The following PYGO1 variants were observed in gnomAD, a reference collection of about 807,000 sequenced individuals.
The protein encoded by PYGO1 is pygopus homolog 1.
PYGO1 carries 6 observed loss-of-function variants against 29.5 expected under a neutral mutation model. The observed-to-expected ratio is 0.20, with a 90% CI of 0.11 to 0.40. The LOEUF (loss-of-function observed/expected upper bound fraction) is 0.40, where lower values mean the gene tolerates loss of function less well. Ranked by LOEUF, PYGO1 falls within the 10% of genes least tolerant of loss-of-function variation. The pLI, the probability that PYGO1 is intolerant of heterozygous loss-of-function variation, is 1.00. For missense variants in PYGO1, 515 were observed against 514.9 expected (o/e 1.00, Z 0.00); for synonymous variants, 186 against 180.5 (o/e 1.03, Z -0.24).
At chr15:55,553,581 T>C (rs1447721234) in intron 1 of PYGO1, among the ~76,000 whole-genome samples, 1 of 152,184 alleles carries the variant, frequency 6.6e-6, no homozygotes, top group South Asian at 2.1e-4. Context: ...CTAACTTTTT[T>C]TGTATTTTTA....
chr15:55,553,985 C>T (rs1246453622), intron 1 of PYGO1, among the ~76,000 whole-genome samples: 1 of 152,070 alleles, frequency 6.6e-6, no homozygotes, highest in Non-Finnish European at 1.5e-5. Context: ...GAAGCAATGT[C>T]AACAACAATA....
At chr15:55,567,760 A>G (rs2058963255) in intron 1 of PYGO1, among the ~76,000 whole-genome samples, 1 of 152,120 alleles carries the variant, frequency 6.6e-6, no homozygotes, top group South Asian at 2.1e-4. Flanking sequence ...TCTATAATCC[A>G]TCTTAATTTT....
At chr15:55,556,084 T>A (rs1001074660) in intron 1 of PYGO1, among the ~76,000 whole-genome samples, 1 of 151,708 alleles carries the variant, frequency 6.6e-6, no homozygotes, top group African/African-American at 2.4e-5. Context: ...ACTGACAATA[T>A]CAGACAGATT....
intron 1 of PYGO1, among the ~76,000 whole-genome samples, chr15:55,575,098 C>T (rs2058995742): frequency 6.6e-6 from 1 of 152,062 alleles, no homozygotes; most frequent in Admixed American, 6.6e-5. Flanking sequence ...ACTAACTTGC[C>T]CAAGGTCACA....
At chr15:55,573,853 G>T (rs1398908277) in intron 1 of PYGO1, among the ~76,000 whole-genome samples, 1 of 152,156 alleles carries the variant, frequency 6.6e-6, no homozygotes, top group South Asian at 2.1e-4. Flanking sequence ...GTAGGCTAGA[G>T]AAAAGATATA....
intron 1 of PYGO1, among the ~76,000 whole-genome samples, chr15:55,582,768 C>T (rs370623361): frequency 6.6e-6 from 1 of 152,116 alleles, no homozygotes; most frequent in Non-Finnish European, 1.5e-5. Flanking sequence ...TGATAATCTG[C>T]CTAGCTCTTA....
At chr15:55,548,221 T>C (rs1255261181) in intron 2 of PYGO1, among the ~76,000 whole-genome samples, 1 of 150,414 alleles carries the variant, frequency 6.6e-6, no homozygotes, top group Non-Finnish European at 1.5e-5. Flanking sequence ...GCTTTCCCCA[T>C]GTTGGCCAGT....
At chr15:55,561,120 T>A (rs558942366) in intron 1 of PYGO1, among the ~76,000 whole-genome samples, 2 of 152,230 alleles carry the variant, frequency 1.3e-5, no homozygotes, top group Admixed American at 1.3e-4. Context: ...AACAGCATGG[T>A]ACTTATACAA....
chr15:55,566,636 T>C lies in PYGO1; in HGVS notation c.50-17641A>G, dbSNP rs551528066. ...TGAACAGTAGTTCTGTTTTAATTTATTTGAGAAATCTCCAAACTGCTTTCC... is the reference window on the plus strand; with the variant it reads ...TGAACAGTAGTTCTGTTTTAATTTACTTGAGAAATCTCCAAACTGCTTTCC... On this transcript the variant is annotated intron_variant, in intron 1 of 2. Coordinates refer to ENST00000563719, the MANE Select transcript of PYGO1 (RefSeq NM_001367806.1). Among the ~76,000 whole-genome samples, 49 of 152,334 alleles carry C rather than the reference T, an allele frequency of 3.2e-4. No homozygotes were observed. In the South Asian group the frequency reaches 9.5e-3, roughly 30 times the overall value.
chr15:55,558,026 G>C lies in PYGO1; in HGVS notation c.50-9031C>G, dbSNP rs1157199575. On this transcript the variant is annotated intron_variant, in intron 1 of 2. Coordinates refer to ENST00000563719, the MANE Select transcript of PYGO1 (RefSeq NM_001367806.1). ...AATCAGGCAGTAGAAAGAAATAAAG[G>C]GTATTCAATTAGGAAAAGAGGAAGT... Among the ~76,000 whole-genome samples, 3 of 152,084 alleles carry C rather than the reference G, an allele frequency of 2.0e-5. No homozygotes were observed. The East Asian group carries it at 5.8e-4, about 29-fold the overall frequency.
chr15:55,564,996 T>A (rs554685732), intron 1 of PYGO1, among the ~76,000 whole-genome samples: 1 of 152,330 alleles, frequency 6.6e-6, no homozygotes, highest in East Asian at 1.9e-4. Context: ...ATTCCTTGAT[T>A]CATGACTCTT....
intron 1 of PYGO1, among the ~76,000 whole-genome samples, chr15:55,559,963 G>C (rs2058925797): frequency 6.6e-6 from 1 of 152,032 alleles, no homozygotes; most frequent in Non-Finnish European, 1.5e-5. Flanking sequence ...TGCAGAACAG[G>C]CCTTCAATAA....
chr15:55,564,089 C>T (rs1354817205), intron 1 of PYGO1, among the ~76,000 whole-genome samples: 1 of 152,134 alleles, frequency 6.6e-6, no homozygotes, highest in Non-Finnish European at 1.5e-5. Flanking sequence ...GACAAGACAA[C>T]TGAAAATTTC....
Position 55,548,957 on chromosome 15 carries a change from C to T in PYGO1, c.88G>A (p.Val30Ile). Residue 30 changes from valine (V) to isoleucine (I), a missense_variant, in exon 2 of 3, where the codon GTA becomes ATA. By Grantham distance (29) the Val-to-Ile change is conservative. Transcript: ENST00000563719. ...SGLDGLGGPGVQLGSPDKKKR... is the reference protein window; with the variant it reads ...SGLDGLGGPGIQLGSPDKKKR... Reference sequence around the variant, plus strand: ...TTCTTATCTGGGCTTCCTAGTTGTACACCTGGTCCTCCTAACCCATCCAGT... The same window carrying T: ...TTCTTATCTGGGCTTCCTAGTTGTATACCTGGTCCTCCTAACCCATCCAGT... The T allele has an allele frequency of 6.2e-7, 1 of 1,612,318 alleles. No homozygotes were observed. The highest frequency in any genetic ancestry group is 8.5e-7 in the Non-Finnish European group (1 of 1,179,272).
intron 1 of PYGO1, among the ~76,000 whole-genome samples, chr15:55,567,296 C>G (rs1595989073): frequency 7.2e-6 from 1 of 138,666 alleles, no homozygotes. Flanking sequence ...CAGCCTCAAA[C>G]TCCTGGGCTC....
intron 1 of PYGO1, among the ~76,000 whole-genome samples, chr15:55,570,926 G>C (rs1176876341): frequency 6.6e-6 from 1 of 152,002 alleles, no homozygotes; most frequent in Non-Finnish European, 1.5e-5. Flanking sequence ...ATACAGTTCA[G>C]TGGTATTAAG....
At position 55,546,308 on chromosome 15, in the gene PYGO1, G is replaced by A. The variant is rs11858599; in HGVS notation, c.975C>T (p.Ser325=). 102,723 of 1,614,058 alleles carry A rather than the reference G, an allele frequency of 0.064. 3,557 individuals are homozygous for A. The highest frequency in any genetic ancestry group is 0.073 in the Middle Eastern group (441 of 6,062). Residue 325 remains serine (S), a synonymous_variant, in exon 3 of 3, where the codon TCC becomes TCT. Transcript: ENST00000563719. Reference sequence around the variant, plus strand: ...GGCCATGACGGTTTGGGTGAAGAGAGGATTTATTGCTTTTTTCTGTGGTGC... The same window carrying A: ...GGCCATGACGGTTTGGGTGAAGAGAAGATTTATTGCTTTTTTCTGTGGTGC... ...DACTTEKSNK[S]SLHPNRHGHS...
At chr15:55,577,742 AC>A (rs1245835644) in intron 1 of PYGO1, among the ~76,000 whole-genome samples, 1 of 125,408 alleles carries the variant, frequency 8.0e-6, no homozygotes. Context: ...TCATTCCCCC[AC>A]CCCCTGACAA....
At chr15:55,552,505 C>T (rs1337168831) in intron 1 of PYGO1, among the ~76,000 whole-genome samples, 1 of 151,916 alleles carries the variant, frequency 6.6e-6, no homozygotes, top group African/African-American at 2.4e-5. Flanking sequence ...ACAACTTGAC[C>T]CACAGAGAAT....
Sources: allele counts gnomAD v4.1 joint callset (sites outside exome capture counted in the v4.1 genomes callset), GRCh38; gene constraint gnomAD v4.1.1; transcripts MANE v1.5; gene names NCBI Gene and HGNC (gene_info 2026-07-23, HGNC 2026-07-21).